The following PCYT1B variants were observed in gnomAD, a reference collection of about 807,000 sequenced individuals.
PCYT1B encodes choline-phosphate cytidylyltransferase B.
In PCYT1B, 10 loss-of-function variants were observed where a neutral mutation model predicts 26.4. The observed-to-expected ratio is 0.38, with a 90% CI of 0.23 to 0.64. PCYT1B has a LOEUF of 0.64. Ranked by LOEUF, PCYT1B falls within the 30% of genes least tolerant of loss-of-function variation. The probability of loss-of-function intolerance (pLI) is 0.56; values close to 1 mark genes in which losing one functional copy is unlikely to be tolerated. For synonymous variants in PCYT1B, 131 were observed against 108.4 expected (o/e 1.21, Z -1.29); for missense variants, 161 against 292.7 (o/e 0.55, Z 3.28).
chrX:24,653,755 CTT>C (rs761800393), intron 1 of PCYT1B, among the ~76,000 whole-genome samples: 9 of 100,766 alleles, frequency 8.9e-5, no homozygotes, highest in Non-Finnish European at 8.2e-5. Context: ...CCATAAAATT[CTT>C]TTTTTTTTTT....
chrX:24,651,475 AT>A (rs1926776650), upstream of PCYT1B, among the ~76,000 whole-genome samples: 80 of 30,582 alleles, frequency 2.6e-3, 1 homozygote, highest in African/African-American at 4.1e-3. Flanking sequence ...AAAAAAAAAT[AT>A]ATATATATAT....
intron 6 of PCYT1B, 102 bp downstream of exon 6, chrX:24,579,214 G>GA: frequency 1.4e-6 from 1 of 690,469 alleles, no homozygotes; most frequent in Non-Finnish European, 2.1e-6. Context: ...AGAGAGAGAG[G>GA]GAGAACACTG....
At chrX:24,626,778 G>C (rs5944659) in intron 1 of PCYT1B, among the ~76,000 whole-genome samples, 2 of 110,828 alleles carry the variant, frequency 1.8e-5, no homozygotes, top group Non-Finnish European at 3.8e-5. Flanking sequence ...GTATCTACCC[G>C]TAATTCATTT....
At chrX:24,590,403 C>T (rs1924520692) in intron 3 of PCYT1B, among the ~76,000 whole-genome samples, 1 of 112,068 alleles carries the variant, frequency 8.9e-6, no homozygotes, top group African/African-American at 3.2e-5. Flanking sequence ...TCTGCATTCT[C>T]CACTGTGGCT....
chrX:24,575,485 T>G (rs1400342182), intron 6 of PCYT1B, among the ~76,000 whole-genome samples, 167 bp from the exon 7 acceptor site: 2 of 112,662 alleles, frequency 1.8e-5, no homozygotes, highest in African/African-American at 6.4e-5. Flanking sequence ...GAAAGGCACA[T>G]CTCTTGTAAG....
At chrX:24,662,983 T>C (rs74995722) in intron 1 of PCYT1B, among the ~76,000 whole-genome samples, 6,944 of 111,701 alleles carry the variant, frequency 0.062, 393 homozygotes, top group African/African-American at 0.18. Context: ...TTGACACCCA[T>C]GACAAACAAT....
At chrX:24,633,367 A>C (rs1026496610) in intron 1 of PCYT1B, among the ~76,000 whole-genome samples, 4 of 108,243 alleles carry the variant, frequency 3.7e-5, no homozygotes, top group Non-Finnish European at 7.7e-5. Flanking sequence ...TACCCCATTA[A>C]GTATATACAA....
At chrX:24,616,387 G>A (rs1010608653) in intron 2 of PCYT1B, among the ~76,000 whole-genome samples, 26 of 109,974 alleles carry the variant, frequency 2.4e-4, no homozygotes, top group African/African-American at 8.3e-4. Context: ...ACAGGCATGC[G>A]CCACCACGCC....
intron 1 of PCYT1B, among the ~76,000 whole-genome samples, chrX:24,644,385 T>G (rs1427559913): frequency 9.2e-6 from 1 of 108,755 alleles, no homozygotes; most frequent in Non-Finnish European, 1.9e-5. Flanking sequence ...CATAAGTAAA[T>G]CAAAGCAGGT....
intron 1 of PCYT1B, among the ~76,000 whole-genome samples, chrX:24,652,489 G>A (rs1342499521): frequency 9.1e-6 from 1 of 109,548 alleles, no homozygotes; most frequent in Non-Finnish European, 1.9e-5. Flanking sequence ...AACCCAGGAG[G>A]CGGAGGTTGC....
At chrX:24,623,432 G>T (rs894085482) in intron 1 of PCYT1B, among the ~76,000 whole-genome samples, 15 of 102,523 alleles carry the variant, frequency 1.5e-4, no homozygotes, top group Non-Finnish European at 3.0e-4. Flanking sequence ...TGCACAACGT[G>T]TTTAGCAGAA....
At chrX:24,672,070 G>A (rs984420056) in intron 1 of PCYT1B, among the ~76,000 whole-genome samples, 1 of 111,992 alleles carries the variant, frequency 8.9e-6, no homozygotes, top group Non-Finnish European at 1.9e-5. Context: ...GCTGAGGCAG[G>A]AGAATCGCTT....
chrX:24,590,789 T>TC (rs1290585822), intron 3 of PCYT1B, among the ~76,000 whole-genome samples: 1 of 78,032 alleles, frequency 1.3e-5, no homozygotes, highest in Non-Finnish European at 2.6e-5. Flanking sequence ...TTCACATCTC[T>TC]CTTTTTTTTT....
intron 1 of PCYT1B, among the ~76,000 whole-genome samples, chrX:24,621,553 T>C (rs902936071): frequency 1.8e-5 from 2 of 111,246 alleles, no homozygotes; most frequent in Admixed American, 9.7e-5. Flanking sequence ...CTCACCTCAC[T>C]GCCACATCCG....
intron 7 of PCYT1B, among the ~76,000 whole-genome samples, chrX:24,571,601 C>A (rs1230471797): frequency 9.1e-6 from 1 of 110,016 alleles, no homozygotes; most frequent in Non-Finnish European, 1.9e-5. Flanking sequence ...AATATGAGGT[C>A]ACTTGGGGAG....
At chrX:24,644,872 C>A (rs1030860111) in intron 1 of PCYT1B, among the ~76,000 whole-genome samples, 3 of 111,431 alleles carry the variant, frequency 2.7e-5, no homozygotes, top group African/African-American at 9.8e-5. Flanking sequence ...CCAGCCTGGC[C>A]AACATGGCAA....
chrX:24,609,965 C>T (rs1477624701), intron 2 of PCYT1B, among the ~76,000 whole-genome samples: 1 of 110,018 alleles, frequency 9.1e-6, no homozygotes. Flanking sequence ...TGGTGGTAGG[C>T]GCCTGCAATA....
At chrX:24,566,934 C>G (rs1369536411) in intron 7 of PCYT1B, among the ~76,000 whole-genome samples, 4 of 111,687 alleles carry the variant, frequency 3.6e-5, no homozygotes, top group African/African-American at 1.3e-4. Context: ...TCAAGCCCCC[C>G]TCAAAGTCAA....
intron 1 of PCYT1B, among the ~76,000 whole-genome samples, chrX:24,623,123 C>T (rs1180319431): frequency 9.1e-6 from 1 of 110,351 alleles, no homozygotes; most frequent in Admixed American, 9.7e-5. Context: ...GGCTTTGCAG[C>T]AGCAATCTTC....
Sources: allele counts gnomAD v4.1 joint callset (sites outside exome capture counted in the v4.1 genomes callset), GRCh38; gene constraint gnomAD v4.1.1; transcripts MANE v1.5; gene names NCBI Gene and HGNC (gene_info 2026-07-23, HGNC 2026-07-21).